LEPR: variants seen among roughly 807,000 people sequenced by gnomAD.
The protein encoded by LEPR is OB receptor.
In LEPR, 56 loss-of-function variants were observed where a neutral mutation model predicts 114.7. That is an observed-to-expected ratio of 0.49 (90% CI 0.39 to 0.61). The LOEUF (loss-of-function observed/expected upper bound fraction) is 0.61, where lower values mean the gene tolerates loss of function less well. Among genes scored for constraint, LEPR ranks in the 20% least tolerant of loss-of-function variants. The probability of loss-of-function intolerance (pLI) is 0.00; values close to 1 mark genes in which losing one functional copy is unlikely to be tolerated. For synonymous variants in LEPR, 443 were observed against 461.4 expected, an observed-to-expected ratio of 0.96 and a Z score of 0.51; for missense variants, 1,202 against 1,352.9, an observed-to-expected ratio of 0.89 and a Z score of 1.75.
chr1:65,589,776 C>CT (rs565385591), intron 5 of LEPR, among the ~76,000 whole-genome samples: 39 of 151,872 alleles, frequency 2.6e-4, no homozygotes, highest in African/African-American at 7.5e-4. Context: ...CATTCATTTA[C>CT]TTTTTTTTGT....
At chr1:65,592,289 A>T in intron 5 of LEPR, among the ~76,000 whole-genome samples, 1 of 96,390 alleles carries the variant, frequency 1.0e-5, no homozygotes, top group Non-Finnish European at 2.2e-5. Context: ...TGCCTTTAGC[A>T]TTTTTTATAG....
chr1:65,616,333 A>G (rs1657521798), intron 15 of LEPR, 109 bp downstream of exon 15: 2 of 1,175,150 alleles, frequency 1.7e-6, no homozygotes, highest in Non-Finnish European at 2.4e-6. Context: ...TCTGCATCTG[A>G]AAGTCTCTCT....
At chr1:65,606,482 C>T (rs1238937662) in intron 11 of LEPR, among the ~76,000 whole-genome samples, 7 of 152,184 alleles carry the variant, frequency 4.6e-5, no homozygotes, top group Non-Finnish European at 1.0e-4. Context: ...CAAATACCAT[C>T]TCCACTTATT....
At chr1:65,557,035 T>C (rs984182560) in intron 2 of LEPR, among the ~76,000 whole-genome samples, 1 of 152,170 alleles carries the variant, frequency 6.6e-6, no homozygotes, top group African/African-American at 2.4e-5. Flanking sequence ...TTCTGATAGT[T>C]CCGGGAAGAA....
At chr1:65,458,615 G>A (rs1646907343) in intron 2 of LEPR, among the ~76,000 whole-genome samples, 1 of 151,928 alleles carries the variant, frequency 6.6e-6, no homozygotes, top group African/African-American at 2.4e-5. Flanking sequence ...CTTCTTTAAG[G>A]ATTTTCTTTT....
At chr1:65,568,157 A>C (rs1162629483) in intron 3 of LEPR, among the ~76,000 whole-genome samples, 1 of 152,194 alleles carries the variant, frequency 6.6e-6, no homozygotes, top group Non-Finnish European at 1.5e-5. Flanking sequence ...ATAATGTCAT[A>C]TAGTTGGAAT....
chr1:65,430,915 A>G (rs974655697), intron 2 of LEPR, among the ~76,000 whole-genome samples: 1 of 152,178 alleles, frequency 6.6e-6, no homozygotes, highest in Non-Finnish European at 1.5e-5. Context: ...GATAAATAGC[A>G]TTTGTATTGA....
chr1:65,588,988 G>A (rs1293206042), intron 5 of LEPR, among the ~76,000 whole-genome samples: 1 of 152,062 alleles, frequency 6.6e-6, no homozygotes, highest in Admixed American at 6.6e-5. Flanking sequence ...ACTTAAGAAA[G>A]TGCCAAACTG....
intron 2 of LEPR, among the ~76,000 whole-genome samples, chr1:65,499,124 T>A (rs1166065760): frequency 6.6e-6 from 1 of 152,114 alleles, no homozygotes; most frequent in Non-Finnish European, 1.5e-5. Flanking sequence ...CAAAGGGCAC[T>A]TTACTATGTC....
At position 65,431,749 on chromosome 1, in the gene LEPR, A is replaced by G. The variant is rs116726595; in HGVS notation, c.-21+6371A>G. On this transcript the variant is annotated intron_variant, in intron 2 of 19. Coordinates refer to ENST00000349533, the MANE Select transcript of LEPR (RefSeq NM_002303.6). ...AATGCAGAAAATAATAGGGATTGCAAAGAGTACAATATGAAGGAAGTAAGG... is the reference window on the plus strand; with the variant it reads ...AATGCAGAAAATAATAGGGATTGCAGAGAGTACAATATGAAGGAAGTAAGG... 2.9e-4 allele frequency: 447 copies of G among 1,558,698 alleles called. 1 individual carries two copies. In the African/African-American group the frequency reaches 5.5e-3, roughly 19 times the overall value.
chr1:65,499,899 C>A (rs1270125042), intron 2 of LEPR, among the ~76,000 whole-genome samples: 1 of 152,172 alleles, frequency 6.6e-6, no homozygotes, highest in African/African-American at 2.4e-5. Context: ...TTAAGGACAT[C>A]CATGTTCTGA....
At chr1:65,466,986 AGC>A (rs1647021931) in intron 2 of LEPR, among the ~76,000 whole-genome samples, 2 of 152,144 alleles carry the variant, frequency 1.3e-5, no homozygotes, top group Admixed American at 1.3e-4. Flanking sequence ...ATGCTGCTTT[AGC>A]TCGGGGAAGT....
At chr1:65,571,570 G>GT (rs1243276300) in intron 4 of LEPR, among the ~76,000 whole-genome samples, 10 of 150,854 alleles carry the variant, frequency 6.6e-5, no homozygotes, top group African/African-American at 2.4e-4. Flanking sequence ...CCTTAAAAGC[G>GT]TGATGATTGG....
chr1:65,519,074 C>A (rs1160869814), intron 2 of LEPR, among the ~76,000 whole-genome samples: 1 of 147,454 alleles, frequency 6.8e-6, no homozygotes, highest in Non-Finnish European at 1.5e-5. Flanking sequence ...TTCCTTCCTT[C>A]CTTCTCTCCT....
chr1:65,459,918 A>T (rs1444745944), intron 2 of LEPR, among the ~76,000 whole-genome samples: 1 of 152,204 alleles, frequency 6.6e-6, no homozygotes, highest in Admixed American at 6.5e-5. Flanking sequence ...ATATCTTTAT[A>T]TAACTAGCTC....
At chr1:65,571,863 A>C (rs1435445177) in intron 4 of LEPR, among the ~76,000 whole-genome samples, 3 of 144,918 alleles carry the variant, frequency 2.1e-5, no homozygotes, top group African/African-American at 7.6e-5. Flanking sequence ...CCATCTACTT[A>C]GGAGACTGAG....
intron 14 of LEPR, among the ~76,000 whole-genome samples, chr1:65,611,720 T>C (rs1657182545): frequency 6.6e-6 from 1 of 152,238 alleles, no homozygotes; most frequent in Non-Finnish European, 1.5e-5. Flanking sequence ...TCAGCAATGC[T>C]GCCAATAGAA....
intron 2 of LEPR, among the ~76,000 whole-genome samples, chr1:65,474,993 C>T (rs1469887894): frequency 2.7e-5 from 3 of 109,568 alleles, no homozygotes; most frequent in South Asian, 3.1e-4. Flanking sequence ...GGCGACAGTG[C>T]GAGACTCCAT....
rs1224595984 is a variant in LEPR at position 65,632,753 on chromosome 1, C to T, written c.2674-3438C>T. Among the ~76,000 whole-genome samples the T allele has an allele frequency of 2.6e-5, 4 of 152,020 alleles. No individual in the cohort carries two copies. The South Asian group carries it at 6.2e-4, about 24-fold the overall frequency. The stretch of plus-strand genomic sequence containing the variant: ...TTTACCATTTTTAGCACTTCTTTCT[C>T]TTTATTTTTTTTAAATTTTTCTTTT... On this transcript the variant is annotated intron_variant, in intron 19 of 19. Transcript: ENST00000349533.
Sources: gnomAD v4.1 joint callset for allele counts (sites outside exome capture counted in the v4.1 genomes callset) on GRCh38, gnomAD v4.1.1 for gene constraint, MANE v1.5 for transcripts, NCBI Gene and HGNC (gene_info 2026-07-23, HGNC 2026-07-21) for gene names.